The following GRM7 variants were observed in gnomAD, a reference collection of about 807,000 sequenced individuals.
GRM7 encodes metabotropic glutamate receptor 7.
A neutral mutation model predicts 84.5 loss-of-function variants in GRM7; 35 were observed. The observed-to-expected ratio is 0.41, with a 90% CI of 0.32 to 0.55. The LOEUF (loss-of-function observed/expected upper bound fraction) is 0.55, where lower values mean the gene tolerates loss of function less well. Among genes scored for constraint, GRM7 ranks in the 20% least tolerant of loss-of-function variants. GRM7 has a pLI of 0.19. For synonymous variants in GRM7, 487 were observed against 455.1 expected (o/e 1.07, Z -0.89); for missense variants, 1,003 against 1,194.6 (o/e 0.84, Z 2.36).
chr3:7,577,441 G>T (rs565407597), intron 7 of GRM7, among the ~76,000 whole-genome samples: 2 of 152,274 alleles, frequency 1.3e-5, no homozygotes, highest in East Asian at 3.9e-4. Context: ...AAGTTCAACC[G>T]CACAGAAAGC....
intron 7 of GRM7, among the ~76,000 whole-genome samples, chr3:7,528,793 A>T (rs1038480104): frequency 6.6e-6 from 1 of 151,878 alleles, no homozygotes; most frequent in African/African-American, 2.4e-5. Context: ...ATTCAGGACA[A>T]ATTGTTTAGT....
intron 5 of GRM7, among the ~76,000 whole-genome samples, chr3:7,444,989 C>T (rs1199514084): frequency 1.3e-5 from 2 of 152,130 alleles, no homozygotes; most frequent in African/African-American, 4.8e-5. Context: ...TTAAGCTGGA[C>T]GATCAATGGG....
intron 2 of GRM7, among the ~76,000 whole-genome samples, chr3:7,183,378 G>A (rs1180831141): frequency 6.6e-6 from 1 of 152,138 alleles, no homozygotes; most frequent in East Asian, 1.9e-4. Context: ...TGTAATCCCG[G>A]CACTTTGGGA....
chr3:7,624,054 G>A (rs953315211), intron 8 of GRM7, among the ~76,000 whole-genome samples: 1 of 152,246 alleles, frequency 6.6e-6, no homozygotes, highest in East Asian at 1.9e-4. Flanking sequence ...ATTGGCACAA[G>A]TCACTAAAAC....
intron 7 of GRM7, among the ~76,000 whole-genome samples, chr3:7,573,298 G>A: frequency 6.6e-6 from 1 of 151,916 alleles, no homozygotes. Flanking sequence ...ATTCTATTAA[G>A]GTTCTAACAA....
At chr3:7,192,395 T>A (rs1020655071) in intron 2 of GRM7, among the ~76,000 whole-genome samples, 3 of 152,128 alleles carry the variant, frequency 2.0e-5, no homozygotes, top group Admixed American at 1.3e-4. Context: ...CTCCAAGATA[T>A]GTATTTTATC....
chr3:7,672,837 C>T (rs533044435), intron 8 of GRM7, among the ~76,000 whole-genome samples: 11 of 152,068 alleles, frequency 7.2e-5, no homozygotes, highest in Admixed American at 2.0e-4. Flanking sequence ...CCTCATGATC[C>T]GCCTGCCTCG....
intron 4 of GRM7, among the ~76,000 whole-genome samples, chr3:7,366,463 T>C (rs993523169): frequency 6.6e-6 from 1 of 151,908 alleles, no homozygotes; most frequent in Non-Finnish European, 1.5e-5. Context: ...CCTCTCAATG[T>C]CTTTATACTT....
At chr3:7,182,623 T>C (rs1199902879) in intron 2 of GRM7, among the ~76,000 whole-genome samples, 1 of 152,236 alleles carries the variant, frequency 6.6e-6, no homozygotes, top group Non-Finnish European at 1.5e-5. Flanking sequence ...GTGTGTTTTA[T>C]TTCTTCTCCC....
intron 1 of GRM7, among the ~76,000 whole-genome samples, chr3:6,873,265 G>T (rs1430741302): frequency 6.6e-6 from 1 of 152,150 alleles, no homozygotes; most frequent in East Asian, 1.9e-4. Context: ...TGGAGACAGG[G>T]TTTCACCATA....
intron 1 of GRM7, among the ~76,000 whole-genome samples, chr3:6,962,135 A>G (rs1693326726): frequency 6.6e-6 from 1 of 152,206 alleles, no homozygotes. Context: ...ATACCATATG[A>G]GCTAGATCTC....
chr3:7,499,931 C>G (rs560650065), intron 7 of GRM7, among the ~76,000 whole-genome samples: 45 of 152,182 alleles, frequency 3.0e-4, no homozygotes, highest in Non-Finnish European at 4.6e-4. Context: ...CCCGTCACCA[C>G]GCCCGGCTAA....
At chr3:7,116,382 C>A (rs1693033664) in intron 1 of GRM7, among the ~76,000 whole-genome samples, 1 of 152,196 alleles carries the variant, frequency 6.6e-6, no homozygotes, top group South Asian at 2.1e-4. Context: ...ATATATAAAA[C>A]CATCTGTCAT....
At chr3:7,130,973 G>C (rs188185864) in intron 1 of GRM7, among the ~76,000 whole-genome samples, 1 of 152,048 alleles carries the variant, frequency 6.6e-6, no homozygotes, top group Admixed American at 6.6e-5. Context: ...ACACACGTGC[G>C]CAAGGAATTA....
In GRM7 at chr3:7,112,507, A is replaced by T. The variant is rs150053409; in HGVS notation, c.520-33945A>T. 2.8e-4 allele frequency among the ~76,000 whole-genome samples: 43 copies of T among 152,284 alleles called. No individual in the cohort carries two copies. In the East Asian group the frequency reaches 7.9e-3, roughly 28 times the overall value. ...CCAAAGTGCTGGGATTACAGGCATG[A>T]GCCACTGCACCTGGCCTTATGATTC... On this transcript the variant is annotated intron_variant, in intron 1 of 9. Transcript: ENST00000357716.
intron 1 of GRM7, among the ~76,000 whole-genome samples, chr3:6,876,019 G>A (rs1402577013): frequency 6.6e-6 from 1 of 152,140 alleles, no homozygotes; most frequent in East Asian, 1.9e-4. Context: ...TGTAACCATA[G>A]CACTTTGGGA....
chr3:7,092,958 C>T (rs1188893506), intron 1 of GRM7, among the ~76,000 whole-genome samples: 1 of 152,098 alleles, frequency 6.6e-6, no homozygotes, highest in African/African-American at 2.4e-5. Flanking sequence ...TGGTGTGCAC[C>T]TGTAGTCCCA....
intron 4 of GRM7, among the ~76,000 whole-genome samples, chr3:7,344,292 T>C (rs766237218): frequency 4.6e-5 from 7 of 152,168 alleles, no homozygotes; most frequent in Non-Finnish European, 1.0e-4. Flanking sequence ...ACCCTCTATG[T>C]GTCCATGTGT....
chr3:7,086,656 TC>T (rs1394724453), intron 1 of GRM7, among the ~76,000 whole-genome samples: 6 of 152,204 alleles, frequency 3.9e-5, no homozygotes, highest in African/African-American at 1.2e-4. Flanking sequence ...CATCTTTTTT[TC>T]CCAAGAGGAG....
Sources: gnomAD v4.1 joint callset for allele counts (sites outside exome capture counted in the v4.1 genomes callset) on GRCh38, gnomAD v4.1.1 for gene constraint, MANE v1.5 for transcripts, NCBI Gene and HGNC (gene_info 2026-07-23, HGNC 2026-07-21) for gene names.